Variants in TTN observed in about 807,000 individuals in gnomAD.
TTN encodes connectin.
In TTN, 1,525 loss-of-function variants were observed where a neutral mutation model predicts 3,223.0. The observed-to-expected ratio is 0.47, with a 90% confidence interval of 0.45 to 0.49. The LOEUF (loss-of-function observed/expected upper bound fraction) is 0.49, where lower values mean the gene tolerates loss of function less well. TTN is among the 20% of genes least tolerant of loss of function. TTN has a pLI of 0.00. For synonymous variants in TTN, 14,094 were observed against 15,161.0 expected, an observed-to-expected ratio of 0.93 and a Z score of 5.17; for missense variants, 40,786 against 43,424.0, an observed-to-expected ratio of 0.94 and a Z score of 5.40.
rs879252955 is a variant in TTN at position 178,777,211 on chromosome 2, G to T, written c.4752C>A (p.Asn1584Lys). ...TGTTTTTCAACCATACAATGTCAGG[G>T]TTGGGGTTACCCGTAGCTCTGACTT... ...EMKVRATGNP[N>K]PDIVWLKNSD... The change falls in exon 27 of 363, where the codon AAC (asparagine) becomes AAA (lysine). Residue 1584 changes from asparagine to lysine, a missense_variant. By Grantham distance (94) the Asn-to-Lys change is moderately conservative. Coordinates refer to ENST00000589042, the MANE Select transcript of TTN (RefSeq NM_001267550.2). 2.5e-6 allele frequency: 4 copies of T among 1,613,970 alleles called. No individual in the cohort carries two copies. In the African/African-American group the frequency reaches 5.3e-5, roughly 22 times the overall value.
rs373540030 is a variant in TTN at position 178,566,261 on chromosome 2, A to G, written c.79871T>C (p.Ile26624Thr). 8 of 1,613,528 alleles carry G rather than the reference A, an allele frequency of 5.0e-6. No individual in the cohort carries two copies. The highest frequency in any genetic ancestry group is 1.6e-4 in the Middle Eastern group (1 of 6,078). Residue 26624 changes from isoleucine (I) to threonine (T), a missense_variant, in exon 326 of 363, where the codon ATC becomes ACC. Transcript: ENST00000589042. ...IPFKGRPTPEITWSREEGEFT... is the reference protein window; with the variant it reads ...IPFKGRPTPETTWSREEGEFT... ...TTCACCTTCCTCTCGAGACCAAGTG[A>G]TCTCAGGCGTTGGACGACCTTTGAA... is the stretch of plus-strand genomic sequence containing the variant.
At chr2:178,694,038 C>T in intron 117 of TTN, 30 bp from the exon 118 acceptor site, 1 of 1,555,308 alleles carries the variant, frequency 6.4e-7, no homozygotes, top group Non-Finnish European at 8.8e-7. Context: ...CATTAGTATT[C>T]CTTTTTTTTA....
chr2:178,622,108 C>A, intron 243 of TTN, 100 bp from the exon 244 acceptor site: 2 of 1,146,814 alleles, frequency 1.7e-6, no homozygotes, highest in Non-Finnish European at 2.4e-6. Flanking sequence ...AAGCAACCAA[C>A]AAGACTTCAT....
rs567713548 is a variant in TTN at position 178,795,346 on chromosome 2, A to G, written c.915-94T>C. ...TGAAAAGCTGGAAGTGCTTTAAGGC[A>G]GAGTTTTAAAATGTGTGCCTCCATA... On this transcript the variant is annotated intron_variant, in intron 6 of 362. Coordinates refer to ENST00000589042, the MANE Select transcript of TTN (RefSeq NM_001267550.2). 1.9e-4 allele frequency: 224 copies of G among 1,204,430 alleles called. 1 individual carries two copies. In the African/African-American group the frequency reaches 2.8e-3, roughly 15 times the overall value. The allele number at this position is 1,204,430 out of a possible 1,614,324, so 74.6% of individuals were successfully genotyped here.
Position 178,614,584 on chromosome 2 carries a change from G to C in TTN, c.48930C>G (p.Val16310=). The part of the protein sequence containing the change: ...KQDKRITIEN[V]PKKSTVTIVD... ...CAATAGTCACTGTGGATTTCTTAGG[G>C]ACATTTTCAATGGTAATTCTTTTGT... The change falls in exon 261 of 363, where the codon GTC becomes GTG. Residue 16310 remains valine (V), a synonymous_variant. Transcript: ENST00000589042. 6.2e-7 allele frequency: 1 copy of C among 1,612,346 alleles called. No individual in the cohort carries two copies. The highest frequency in any genetic ancestry group is 1.7e-4 in the Middle Eastern group (1 of 6,050).
intron 112 of TTN, among the ~76,000 whole-genome samples, chr2:178,697,629 AATG>A (rs1430728983): frequency 6.6e-6 from 1 of 152,190 alleles, no homozygotes; most frequent in Non-Finnish European, 1.5e-5. Flanking sequence ...CTGAATGATG[AATG>A]ATGCCTTGTG....
In TTN at chr2:178,732,810, T is replaced by C. The variant is rs566056678; in HGVS notation, c.16342+24A>G. The C allele has an allele frequency of 1.2e-4, 184 of 1,589,782 alleles. No homozygotes were observed. In the South Asian group the frequency reaches 2.1e-3, roughly 18 times the overall value. ...ATTTGAACATAATCTTTAATAAGGA[T>C]AAAATGCAAAGTCTCCAGCCAACCT... On this transcript the variant is annotated intron_variant, in intron 55 of 362. Coordinates refer to ENST00000589042, the MANE Select transcript of TTN (RefSeq NM_001267550.2).
rs1210593236 is a variant in TTN, at chr2:178,706,467, C to T, written c.29407G>A (p.Ala9803Thr). ...KQEKIEGDLR[A>T]MLKKTPILKK... ...TATTGAACTCACTTTTTCAGCATTG[C>T]TCTAAGATCGCCTTCAATTTTCTCT... The change falls in exon 102 of 363, where the codon GCA (alanine) becomes ACA (threonine). Residue 9803 changes from alanine (A) to threonine (T), a missense_variant. Coordinates refer to ENST00000589042, the MANE Select transcript of TTN (RefSeq NM_001267550.2). 6.2e-7 allele frequency: 1 copy of T among 1,612,408 alleles called. No homozygotes were observed. Among genetic ancestry groups the T allele is most frequent in the Non-Finnish European group, 8.5e-7 (1 of 1,179,186 alleles).
At position 178,701,989 on chromosome 2, in the gene TTN, A is replaced by G. The variant is rs2075081099; in HGVS notation, c.30538+51T>C. 8 of 1,580,396 alleles carry G rather than the reference A, an allele frequency of 5.1e-6. No homozygotes were observed. In the South Asian group the frequency reaches 8.1e-5, roughly 16 times the overall value. Reference sequence around the variant, plus strand: ...TAGTTTGGCTTCTGTGATTTACAAAATTATGCCAAATTTATTGTAAGCAAG... The same window carrying G: ...TAGTTTGGCTTCTGTGATTTACAAAGTTATGCCAAATTTATTGTAAGCAAG... On this transcript the variant is annotated intron_variant, in intron 109 of 362. Transcript: ENST00000589042.
Position 178,784,310 on chromosome 2 carries a change from C to T in TTN, c.2535G>A (p.Glu845=). Residue 845 remains glutamate (E), a synonymous_variant, in exon 16 of 363, where the codon GAG becomes GAA. Transcript: ENST00000589042. The part of the protein sequence containing the change: ...AGSAIATLQK[E]LSATSSAQKI... Reference sequence around the variant, plus strand: ...TCTGAGCAGAAGATGTGGCTGACAACTCTTTTTGTAATGTGGCAATAGCAC... The same window carrying T: ...TCTGAGCAGAAGATGTGGCTGACAATTCTTTTTGTAATGTGGCAATAGCAC... 1.2e-6 allele frequency: 2 copies of T among 1,614,104 alleles called. No homozygotes were observed. Among genetic ancestry groups the T allele is most frequent in the Non-Finnish European group, 1.7e-6 (2 of 1,179,996 alleles).
rs746410683 is a variant in TTN at position 178,784,357 on chromosome 2, T to G, written c.2494-6A>C. ...GCACTACCGGCTATTGATGCCTACA[T>G]GGAAACAGAGTCAGAAAATAAAGTC... On this transcript the variant is annotated splice_polypyrimidine_tract_variant and splice_region_variant and intron_variant, in intron 15 of 362. Coordinates refer to ENST00000589042, the MANE Select transcript of TTN (RefSeq NM_001267550.2). 6.2e-7 allele frequency: 1 copy of G among 1,613,974 alleles called. No individual in the cohort carries two copies.
Position 178,609,421 on chromosome 2 carries a change from C to T in TTN, c.51889G>A (p.Ala17297Thr). ...TTCCTTCTCCTAACCAAGGGTGCTGCACGCTTCTTAATTTCCTCTGGTACA... is the reference window on the plus strand; with the variant it reads ...TTCCTTCTCCTAACCAAGGGTGCTGTACGCTTCTTAATTTCCTCTGGTACA... Reference protein sequence around the residue: ...VIVPEEIKKRAAPLVRRRKGE... With the variant: ...VIVPEEIKKRTAPLVRRRKGE... The change falls in exon 273 of 363, where the codon GCA becomes ACA. Residue 17297 changes from alanine to threonine, a missense_variant. Transcript: ENST00000589042. The T allele has an allele frequency of 1.2e-6, 2 of 1,612,258 alleles. No individual in the cohort carries two copies. The highest frequency in any genetic ancestry group is 8.5e-7 in the Non-Finnish European group (1 of 1,179,034).
intron 281 of TTN, 85 bp downstream of exon 281, chr2:178,604,623 T>C: frequency 1.4e-6 from 2 of 1,404,018 alleles, no homozygotes; most frequent in East Asian, 4.7e-5. Context: ...AGTTTAATTA[T>C]CAAATTCCAA....
chr2:178,739,318 A>T lies in TTN; in HGVS notation c.13915T>A (p.Phe4639Ile), dbSNP rs374885319. Reference protein sequence around the residue: ...ITNAKEVNWYFENKLVPSDEK... With the variant: ...ITNAKEVNWYIENKLVPSDEK... ...TCTGAAGGCACCAGTTTATTCTCAA[A>T]ATACCAATTCACCTCTTTAGCATTT... is the stretch of plus-strand genomic sequence containing the variant. Residue 4639 changes from phenylalanine (F) to isoleucine (I), a missense_variant, in exon 48 of 363, where the codon TTT becomes ATT. Physicochemically the swap from Phe to Ile is conservative, Grantham distance 21. Transcript: ENST00000589042. 6.2e-7 allele frequency: 1 copy of T among 1,613,586 alleles called. No individual in the cohort carries two copies. Among genetic ancestry groups the T allele is most frequent in the African/African-American group, 1.3e-5 (1 of 74,918 alleles).
chr2:178,727,257 C>A lies in TTN; in HGVS notation c.20108G>T (p.Arg6703Leu). Residue 6703 changes from arginine to leucine, a missense_variant, in exon 69 of 363, where the codon CGA (arginine) becomes CTA (leucine). Arg to Leu is a moderately radical substitution (Grantham distance 102). Transcript: ENST00000589042. ...GSPEIRVVWF[R>L]NEHELPASDK... ...ACTGGCTGGAAGTTCATGTTCATTT[C>A]GGAACCACACAACTCTGATTTCTGG... 6.2e-7 allele frequency: 1 copy of A among 1,613,114 alleles called. No homozygotes were observed. Among genetic ancestry groups the A allele is most frequent in the Non-Finnish European group, 8.5e-7 (1 of 1,179,408 alleles).
In TTN at chr2:178,548,466, C is replaced by A. The variant is rs1049541565; in HGVS notation, c.93160G>T (p.Glu31054Ter). 6.2e-7 allele frequency: 1 copy of A among 1,613,892 alleles called. No individual in the cohort carries two copies. Among genetic ancestry groups the A allele is most frequent in the South Asian group, 1.1e-5 (1 of 91,072 alleles). Reference protein sequence around the residue: ...GGARIHHYVVEKREASRRSWQ... With the variant: ...GGARIHHYVV Reference sequence around the variant, plus strand: ...CTACGGCGACTTGCCTCTCGTTTCTCTACCACATAATGATGGATTCGGGCA... The same window carrying A: ...CTACGGCGACTTGCCTCTCGTTTCTATACCACATAATGATGGATTCGGGCA... Residue 31054 changes from glutamate (E) to a stop codon, truncating the protein, a stop_gained, in exon 339 of 363, where the codon GAG becomes TAG. Coordinates refer to ENST00000589042, the MANE Select transcript of TTN (RefSeq NM_001267550.2). LOFTEE classifies it high-confidence loss of function. This position sits in a 1 kb window ranked among gnomAD's most constrained non-coding sequence, Gnocchi z 4.3.
chr2:178,690,387 C>T (rs2072079748), intron 121 of TTN, among the ~76,000 whole-genome samples: 1 of 151,988 alleles, frequency 6.6e-6, no homozygotes, highest in African/African-American at 2.4e-5. Context: ...GGGGGTGTGC[C>T]TGTAGTGAAT....
intron 24 of TTN, chr2:178,778,604 A>C (rs2092470135): frequency 4.3e-6 from 2 of 465,642 alleles, no homozygotes; most frequent in East Asian, 8.7e-5. Flanking sequence ...ATAAATTTAC[A>C]TATGTAAAAA....
At position 178,544,800 on chromosome 2, in the gene TTN, A is replaced by G. The variant is rs1433438122; in HGVS notation, c.95723-294T>C. Among the ~76,000 whole-genome samples, 9 of 152,196 alleles carry G rather than the reference A, an allele frequency of 5.9e-5. No individual in the cohort carries two copies. The South Asian group carries it at 8.3e-4, about 14-fold the overall frequency. ...GCTAAGCTCATTACTTAAAGTACCC[A>G]TTCTTAGGGACTTTTCTTTAGTTGC... On this transcript the variant is annotated intron_variant, in intron 344 of 362. Transcript: ENST00000589042.
Sources: gnomAD v4.1 joint callset for allele counts (sites outside exome capture counted in the v4.1 genomes callset) on GRCh38, gnomAD v4.1.1 for gene constraint, Gnocchi (gnomAD v3.1) non-coding constraint, MANE v1.5 for transcripts, NCBI Gene and HGNC (gene_info 2026-07-23, HGNC 2026-07-21) for gene names.